Variants in UMODL1 observed in about 807,000 individuals in gnomAD.
UMODL1 encodes uromodulin-like 1.
A neutral mutation model predicts 136.3 loss-of-function variants in UMODL1; 128 were observed. That is an observed-to-expected ratio of 0.94 (90% CI 0.81 to 1.09). The LOEUF is 1.09. UMODL1 is among the 50% of genes least tolerant of loss of function. The probability of loss-of-function intolerance (pLI) is 0.00; values close to 1 mark genes in which losing one functional copy is unlikely to be tolerated. For missense variants in UMODL1, 1,766 were observed against 1,725.6 expected (o/e 1.02, Z -0.41); for synonymous variants, 721 against 720.0 (o/e 1.00, Z -0.02).
chr21:42,112,368 C>T (rs1352693932), intron 12 of UMODL1, among the ~76,000 whole-genome samples: 1 of 151,820 alleles, frequency 6.6e-6, no homozygotes, highest in African/African-American at 2.4e-5. Context: ...TGCATTTCCC[C>T]AGCTGTTCTG....
Position 42,122,641 on chromosome 21 carries a change from A to ACGTGTGTGTGCATATGTGTG in UMODL1, c.2828-179_2828-160dup, listed in dbSNP as rs2066989714. 1.4e-5 allele frequency among the ~76,000 whole-genome samples: 2 copies of ACGTGTGTGTGCATATGTGTG among 147,434 alleles called. No homozygotes were observed. Among genetic ancestry groups the ACGTGTGTGTGCATATGTGTG allele is most frequent in the African/African-American group, 5.1e-5 (2 of 39,014 alleles). ...CATGTGTGTGCATGCACGTGTGTGT[A>ACGTGTGTGTGCATATGTGTG]CGTGTGTGTGCATATGTGTGCGTGT... On this transcript the variant is annotated intron_variant, in intron 16 of 22. Transcript: ENST00000408910. The surrounding 1 kb of genome is among the most constrained non-coding windows in gnomAD (Gnocchi z 4.3).
At chr21:42,072,182 G>A (rs2066239743) in intron 1 of UMODL1, among the ~76,000 whole-genome samples, 1 of 152,210 alleles carries the variant, frequency 6.6e-6, no homozygotes, top group South Asian at 2.1e-4. Context: ...GCTGCACCAG[G>A]GCTCTGTCCG....
rs774600842 is a variant in UMODL1, at chr21:42,099,186, G to A, written c.1186+6G>A. 2 of 1,609,244 alleles carry A rather than the reference G, an allele frequency of 1.2e-6. No homozygotes were observed. The highest frequency in any genetic ancestry group is 1.7e-6 in the Non-Finnish European group (2 of 1,177,546). ...CACGCTGACCATCAAAACCAGTAAG[G>A]CCCCCAGTCAGAGACCCACGTTAGC... On this transcript the variant is annotated splice_donor_region_variant and intron_variant, in intron 7 of 22. Transcript: ENST00000408910. The surrounding 1 kb of genome is among the most constrained non-coding windows in gnomAD (Gnocchi z 4.1).
In UMODL1 at chr21:42,111,198, G is replaced by A. The variant is rs1453176097; in HGVS notation, c.1899+77G>A. ...GTGAACCCCAGCCAGGGGAGCCCCAGCCAGGGGAGCCTCAGACAGGAGAGT... is the reference window on the plus strand; with the variant it reads ...GTGAACCCCAGCCAGGGGAGCCCCAACCAGGGGAGCCTCAGACAGGAGAGT... On this transcript the variant is annotated intron_variant, in intron 11 of 22. Coordinates refer to ENST00000408910, the MANE Select transcript of UMODL1 (RefSeq NM_001004416.3). The A allele has an allele frequency of 6.5e-7, 1 of 1,532,822 alleles. No homozygotes were observed. Among genetic ancestry groups the A allele is most frequent in the East Asian group, 2.5e-5 (1 of 40,060 alleles). 95.0% of individuals were successfully genotyped at this position (1,532,822 alleles called of 1,614,324 possible).
chr21:42,102,115 C>G (rs1302429018), intron 7 of UMODL1, 51 bp from the exon 8 acceptor site: 1 of 1,388,612 alleles, frequency 7.2e-7, no homozygotes. Context: ...CATTAACAGA[C>G]AAGTGTGTGA....
At position 42,122,948 on chromosome 21, in the gene UMODL1, G is replaced by A. The variant is rs200550291; in HGVS notation, c.2945G>A (p.Arg982Gln). ...TSPTPQGLPQ[R>Q]LNLTGAVRVL... ...CCCACCCCCCAAGGCCTGCCCCAGC[G>A]GCTGAACCTGACCGGAGCAGTCAGG... Residue 982 changes from arginine (R) to glutamine (Q), a missense_variant, in exon 17 of 23, where the codon CGG becomes CAG. Transcript: ENST00000408910. The surrounding 1 kb of genome is among the most constrained non-coding windows in gnomAD (Gnocchi z 4.3). 226 of 1,614,008 alleles carry A rather than the reference G, an allele frequency of 1.4e-4. No individual in the cohort carries two copies. Among genetic ancestry groups the A allele is most frequent in the Non-Finnish European group, 1.7e-4 (197 of 1,180,034 alleles).
rs749526032 is a variant in UMODL1, at chr21:42,123,202, T to C, written c.3147+52T>C. 5 of 1,549,560 alleles carry C rather than the reference T, an allele frequency of 3.2e-6. No individual in the cohort carries two copies. Among genetic ancestry groups the C allele is most frequent in the Non-Finnish European group, 4.4e-6 (5 of 1,144,200 alleles). ...ATGTACACTAGGGCGCAAGGGGCTC[T>C]AGGTTACATGGGCCTCGATGTGGGA... On this transcript the variant is annotated intron_variant, in intron 17 of 22. Coordinates refer to ENST00000408910, the MANE Select transcript of UMODL1 (RefSeq NM_001004416.3). This position sits in a 1 kb window ranked among gnomAD's most constrained non-coding sequence, Gnocchi z 4.4.
intron 6 of UMODL1, among the ~76,000 whole-genome samples, chr21:42,091,882 G>C (rs2066496113): frequency 6.6e-6 from 1 of 152,230 alleles, no homozygotes; most frequent in South Asian, 2.1e-4. Flanking sequence ...GTATGGCTGA[G>C]AGAAGGGAAG....
intron 17 of UMODL1, among the ~76,000 whole-genome samples, chr21:42,125,434 C>T (rs906732380): frequency 2.0e-5 from 3 of 152,152 alleles, no homozygotes; most frequent in Non-Finnish European, 2.9e-5. Context: ...CTCACTCTGC[C>T]GAGCTCATTC....
intron 1 of UMODL1, among the ~76,000 whole-genome samples, chr21:42,074,055 G>A (rs1302552969): frequency 6.6e-6 from 1 of 152,212 alleles, no homozygotes; most frequent in Non-Finnish European, 1.5e-5. Context: ...TAGGGCTGCT[G>A]TAACAAAGAA....
intron 3 of UMODL1, among the ~76,000 whole-genome samples, chr21:42,084,906 A>T (rs1026843679): frequency 6.6e-6 from 1 of 151,684 alleles, no homozygotes; most frequent in Non-Finnish European, 1.5e-5. Context: ...ACTATCCAAT[A>T]TTTGTAGTAT....
rs753150725 is a variant in UMODL1 at position 42,122,981 on chromosome 21, G to T, written c.2978G>T (p.Cys993Phe). 4.3e-6 allele frequency: 7 copies of T among 1,614,038 alleles called. No individual in the cohort carries two copies. The Admixed American group carries it at 1.2e-4, about 27-fold the overall frequency. ...LNLTGAVRVL[C>F]EIEKVVVAIQ... ...CTGACCGGAGCAGTCAGGGTGCTCT[G>T]TGAGATCGAGAAGGTGGTTGTCGCC... Residue 993 changes from cysteine (C) to phenylalanine (F), a missense_variant, in exon 17 of 23, where the codon TGT (cysteine) becomes TTT (phenylalanine). Coordinates refer to ENST00000408910, the MANE Select transcript of UMODL1 (RefSeq NM_001004416.3). This position sits in a 1 kb window ranked among gnomAD's most constrained non-coding sequence, Gnocchi z 4.3.
At chr21:42,074,983 C>G (rs113232861) in intron 1 of UMODL1, among the ~76,000 whole-genome samples, 6 of 152,042 alleles carry the variant, frequency 3.9e-5, no homozygotes, top group Non-Finnish European at 8.8e-5. Context: ...CTCACTGCAA[C>G]CTCCGCCTCC....
Position 42,099,284 on chromosome 21 carries a change from C to T in UMODL1, c.1186+104C>T. On this transcript the variant is annotated intron_variant, in intron 7 of 22. Transcript: ENST00000408910. The surrounding 1 kb of genome is among the most constrained non-coding windows in gnomAD (Gnocchi z 4.1). ...GTTCTTCTTCCTATAACCAGGGCACCAGAAGTCACTGACCGCCCTGCACTT... is the reference window on the plus strand; with the variant it reads ...GTTCTTCTTCCTATAACCAGGGCACTAGAAGTCACTGACCGCCCTGCACTT... 6.8e-7 allele frequency: 1 copy of T among 1,475,298 alleles called. No individual in the cohort carries two copies. The highest frequency in any genetic ancestry group is 2.4e-5 in the East Asian group (1 of 42,182). 91.4% of individuals were successfully genotyped at this position (1,475,298 alleles called of 1,614,324 possible).
At chr21:42,126,250 C>A in intron 17 of UMODL1, 95 bp from the exon 18 acceptor site, 2 of 1,534,700 alleles carry the variant, frequency 1.3e-6, no homozygotes, top group Non-Finnish European at 1.8e-6. Flanking sequence ...TAGAGAAGAA[C>A]CCCCATCCCC....
Position 42,085,165 on chromosome 21 carries a change from A to G in UMODL1, c.482-126A>G. The G allele has an allele frequency of 8.4e-7, 1 of 1,195,590 alleles. No homozygotes were observed. The highest frequency in any genetic ancestry group is 2.5e-5 in the East Asian group (1 of 40,744). 74.1% of individuals were successfully genotyped at this position (1,195,590 alleles called of 1,614,324 possible). Reference sequence around the variant, plus strand: ...CTGTGGTAGATGTCTTTTTGCAGGGAGGTAAATGCAGAGCAGGGCCTCTCA... The same window carrying G: ...CTGTGGTAGATGTCTTTTTGCAGGGGGGTAAATGCAGAGCAGGGCCTCTCA... On this transcript the variant is annotated intron_variant, in intron 3 of 22. Coordinates refer to ENST00000408910, the MANE Select transcript of UMODL1 (RefSeq NM_001004416.3). The surrounding 1 kb of genome is among the most constrained non-coding windows in gnomAD (Gnocchi z 4.5).
rs201161482 is a variant in UMODL1, at chr21:42,127,189, A to G, written c.3477A>G (p.Ala1159=). ...AGGTGGTCCTGACGGAGTGCTGGGC[A>G]ACCCCGTCTAGCAACGCCCGGGACC... ...NLKVVLTECW[A]TPSSNARDPI... The change falls in exon 19 of 23, where the codon GCA becomes GCG. Residue 1159 remains alanine, a synonymous_variant. Transcript: ENST00000408910. The G allele has an allele frequency of 3.5e-5, 56 of 1,614,110 alleles. No homozygotes were observed. The African/African-American group carries it at 4.9e-4, about 14-fold the overall frequency.
chr21:42,073,114 C>A (rs2066250726), intron 1 of UMODL1, among the ~76,000 whole-genome samples: 1 of 152,198 alleles, frequency 6.6e-6, no homozygotes, highest in East Asian at 1.9e-4. Flanking sequence ...AGGTGGGGCC[C>A]TGGCACCTCT....
intron 9 of UMODL1, among the ~76,000 whole-genome samples, chr21:42,107,916 T>C (rs8134369): frequency 0.32 from 48,468 of 152,104 alleles, 8,002 homozygotes; most frequent in African/African-American, 0.4. Context: ...GCGGGGCCAG[T>C]GGGAGCAGTG....
Sources: allele counts gnomAD v4.1 joint callset (sites outside exome capture counted in the v4.1 genomes callset), GRCh38; gene constraint gnomAD v4.1.1; non-coding constraint Gnocchi (gnomAD v3.1); transcripts MANE v1.5; gene names NCBI Gene and HGNC (gene_info 2026-07-23, HGNC 2026-07-21).